Variants in EFR3B observed in about 807,000 individuals in gnomAD.
EFR3B encodes the protein protein EFR3 homolog B.
A neutral mutation model predicts 104.7 loss-of-function variants in EFR3B; 64 were observed. That is an observed-to-expected ratio of 0.61 (90% confidence interval 0.50 to 0.75). The LOEUF is 0.75. Among genes scored for constraint, EFR3B ranks in the 30% least tolerant of loss-of-function variants. The probability of loss-of-function intolerance (pLI) is 0.00; values close to 1 mark genes in which losing one functional copy is unlikely to be tolerated. For synonymous variants in EFR3B, 385 were observed against 417.9 expected (o/e 0.92, Z 0.96); for missense variants, 750 against 1,078.5 (o/e 0.70, Z 4.27).
chr2:25,062,413 G>A lies in EFR3B; in HGVS notation c.7+20094G>A, dbSNP rs187538742. ...AACTCAAGGTACTGAATGCTTAAAT[G>A]TGTGCATCTTACTGCATGTTAATTA... is the stretch of plus-strand genomic sequence containing the variant. On this transcript the variant is annotated intron_variant, in intron 1 of 22. Transcript: ENST00000403714. Among the ~76,000 whole-genome samples the A allele has an allele frequency of 7.9e-5, 12 of 152,342 alleles. No homozygotes were observed. In the East Asian group the frequency reaches 1.9e-3, roughly 24 times the overall value.
chr2:25,090,127 TC>T (rs1669071029), intron 1 of EFR3B, among the ~76,000 whole-genome samples: 1 of 152,270 alleles, frequency 6.6e-6, no homozygotes, highest in Non-Finnish European at 1.5e-5. Flanking sequence ...GGCTTAATCT[TC>T]CCACGGCACA....
intron 1 of EFR3B, among the ~76,000 whole-genome samples, chr2:25,057,448 A>T (rs1041384912): frequency 1.1e-4 from 16 of 152,024 alleles, no homozygotes; most frequent in Admixed American, 3.3e-4. Flanking sequence ...GTTTTATTCC[A>T]ACGTTATTCT....
At chr2:25,105,707 T>C (rs1032597104) in intron 4 of EFR3B, among the ~76,000 whole-genome samples, 1 of 152,222 alleles carries the variant, frequency 6.6e-6, no homozygotes, top group Admixed American at 6.5e-5. Flanking sequence ...TTAAGAGAAC[T>C]ACAGCCTAGA....
At chr2:25,048,158 G>A (rs1226743052) in intron 1 of EFR3B, among the ~76,000 whole-genome samples, 5 of 152,148 alleles carry the variant, frequency 3.3e-5, no homozygotes, top group Non-Finnish European at 5.9e-5. Context: ...TGGGACTACA[G>A]GCATGTGCAA....
chr2:25,124,361 T>A (rs1390185037), intron 5 of EFR3B, among the ~76,000 whole-genome samples: 2 of 150,600 alleles, frequency 1.3e-5, no homozygotes, highest in Non-Finnish European at 3.0e-5. Flanking sequence ...ATCAGTATTA[T>A]CTGATCTTTC....
chr2:25,121,354 C>T (rs768271538), intron 4 of EFR3B, among the ~76,000 whole-genome samples: 14 of 152,346 alleles, frequency 9.2e-5, no homozygotes, highest in East Asian at 1.9e-4. Context: ...TCCCCGCCCC[C>T]GTGTGTTTGT....
intron 5 of EFR3B, among the ~76,000 whole-genome samples, chr2:25,126,581 A>G (rs1001705110): frequency 6.6e-6 from 1 of 151,864 alleles, no homozygotes; most frequent in East Asian, 1.9e-4. Context: ...GCTGTTCTCA[A>G]ACTCCTGACC....
chr2:25,067,420 G>GTT (rs1258144143), intron 1 of EFR3B, among the ~76,000 whole-genome samples: 4 of 142,848 alleles, frequency 2.8e-5, no homozygotes, highest in Admixed American at 6.9e-5. Context: ...CTCCTTTTTA[G>GTT]TTTTTGTTTT....
chr2:25,141,040 C>CAAA (rs78559860), intron 16 of EFR3B, among the ~76,000 whole-genome samples: 35 of 74,302 alleles, frequency 4.7e-4, no homozygotes, highest in Admixed American at 1.0e-3. Context: ...GACTCCGTCT[C>CAAA]AAAAAAAAAA....
chr2:25,124,277 A>AGTGTGTGTGTGTGTGTGTGTGTGT, intron 5 of EFR3B, among the ~76,000 whole-genome samples: 1 of 124,894 alleles, frequency 8.0e-6, no homozygotes, highest in Admixed American at 8.3e-5. Context: ...TGTGCATGCA[A>AGTGTGTGTGTGTGTGTGTGTGTGT]GTGTGTGTGT....
chr2:25,131,817 G>T lies in EFR3B; in HGVS notation c.1053G>T (p.Leu351=). ...RQLRLSIDYA[L]TGSYDGAVSL... ...TGCGGCTCAGCATCGACTACGCGCT[G>T]ACCGGGAGCTACGACGGGGCGGTCA... Residue 351 remains leucine, a synonymous_variant, in exon 10 of 23, where the codon CTG becomes CTT. Transcript: ENST00000403714. The surrounding 1 kb of genome is among the most constrained non-coding windows in gnomAD (Gnocchi z 7.6). 6.5e-7 allele frequency: 1 copy of T among 1,549,934 alleles called. No individual in the cohort carries two copies. The highest frequency in any genetic ancestry group is 2.4e-5 in the East Asian group (1 of 40,904).
intron 3 of EFR3B, 87 bp from the exon 4 acceptor site, chr2:25,103,550 G>C: frequency 6.7e-7 from 1 of 1,484,620 alleles, no homozygotes; most frequent in Non-Finnish European, 9.0e-7. Flanking sequence ...GCATTGCCCA[G>C]GTCACCACAC....
intron 17 of EFR3B, among the ~76,000 whole-genome samples, chr2:25,143,105 G>T (rs1670719096): frequency 6.6e-6 from 1 of 151,680 alleles, no homozygotes; most frequent in South Asian, 2.1e-4. Flanking sequence ...AAATTAGCCA[G>T]GCTTGGAGGC....
At chr2:25,148,533 G>A (rs1310350305) in intron 19 of EFR3B, among the ~76,000 whole-genome samples, 1 of 151,802 alleles carries the variant, frequency 6.6e-6, no homozygotes, top group Non-Finnish European at 1.5e-5. Context: ...GTGATTCCAA[G>A]CATGAGCCAC....
chr2:25,140,740 A>G (rs1466537496), intron 16 of EFR3B, among the ~76,000 whole-genome samples: 1 of 152,094 alleles, frequency 6.6e-6, no homozygotes, highest in Non-Finnish European at 1.5e-5. Context: ...GTACCTGTTT[A>G]AATAAAAAAC....
intron 1 of EFR3B, chr2:25,080,595 C>T: frequency 1.9e-6 from 1 of 535,722 alleles, no homozygotes; most frequent in Non-Finnish European, 3.3e-6. Flanking sequence ...CTCCTGGCCC[C>T]TGAAGTTTTA....
chr2:25,156,247 TGTG>T lies in EFR3B; in HGVS notation c.*1910_*1912del, dbSNP rs1466639671. 1 of 151,916 alleles carries T rather than the reference TGTG, an allele frequency of 6.6e-6. No homozygotes were observed. The highest frequency in any genetic ancestry group is 1.5e-5 in the Non-Finnish European group (1 of 67,976). 9.4% of individuals were successfully genotyped at this position (151,916 alleles called of 1,614,324 possible). On this transcript the variant is annotated 3_prime_UTR_variant, in exon 23 of 23. Coordinates refer to ENST00000403714, the MANE Select transcript of EFR3B (RefSeq NM_014971.2). ...TGGCACTTCAAATGAAGCTCTTCCT[TGTG>T]GTCACCATCTCTGCTGTGGGCACAC...
intron 1 of EFR3B, among the ~76,000 whole-genome samples, chr2:25,090,049 ATGTAAACCTC>A (rs1307004187): frequency 6.6e-6 from 1 of 151,242 alleles, no homozygotes; most frequent in Non-Finnish European, 1.5e-5. Flanking sequence ...TCTCCGCCCT[ATGTAAACCTC>A]TTTTGTGATT....
intron 1 of EFR3B, among the ~76,000 whole-genome samples, chr2:25,066,452 A>G (rs1668340461): frequency 6.6e-6 from 1 of 152,100 alleles, no homozygotes; most frequent in South Asian, 2.1e-4. Context: ...TGGCCAGCTG[A>G]TGTCTCTCAG....
Sources: allele counts gnomAD v4.1 joint callset (sites outside exome capture counted in the v4.1 genomes callset), GRCh38; gene constraint gnomAD v4.1.1; non-coding constraint Gnocchi (gnomAD v3.1); transcripts MANE v1.5; gene names NCBI Gene and HGNC (gene_info 2026-07-23, HGNC 2026-07-21).